NOX4: variants seen among roughly 807,000 people sequenced by gnomAD.
NOX4 encodes kidney oxidase-1.
A neutral mutation model predicts 87.6 loss-of-function variants in NOX4; 69 were observed. The ratio of observed to expected loss-of-function variants is 0.79; its 90% confidence interval spans 0.65 to 0.96. The LOEUF is 0.96. Ranked by LOEUF, NOX4 falls within the 40% of genes least tolerant of loss-of-function variation. NOX4 has a pLI of 0.00. For synonymous variants in NOX4, 275 were observed against 238.2 expected, an observed-to-expected ratio of 1.15 and a Z score of -1.42; for missense variants, 680 against 681.5, an observed-to-expected ratio of 1.00 and a Z score of 0.02.
At chr11:89,486,610 G>A (rs1028834651) in intron 2 of NOX4, among the ~76,000 whole-genome samples, 3 of 120,540 alleles carry the variant, frequency 2.5e-5, no homozygotes, top group South Asian at 2.4e-4. Flanking sequence ...ACATATATAT[G>A]TGTGTATATA....
chr11:89,514,607 T>A, the NOX4 span, among the ~76,000 whole-genome samples: 1 of 152,006 alleles, frequency 6.6e-6, no homozygotes, highest in Non-Finnish European at 1.5e-5. Flanking sequence ...GTACTTCTTA[T>A]GATGTTAGCT....
At chr11:89,469,191 T>A (rs1945825301) in intron 2 of NOX4, among the ~76,000 whole-genome samples, 1 of 152,260 alleles carries the variant, frequency 6.6e-6, no homozygotes, top group African/African-American at 2.4e-5. Context: ...CAACTGGAAA[T>A]TTTCTCAACA....
At chr11:89,483,690 C>A (rs969492613) in intron 2 of NOX4, among the ~76,000 whole-genome samples, 1 of 151,956 alleles carries the variant, frequency 6.6e-6, no homozygotes, top group African/African-American at 2.4e-5. Context: ...ATCTATTGTA[C>A]AACATGGTGA....
the NOX4 span, among the ~76,000 whole-genome samples, chr11:89,508,196 T>C: frequency 2.6e-5 from 4 of 152,072 alleles, no homozygotes; most frequent in African/African-American, 9.7e-5. Flanking sequence ...ACCTAATTCA[T>C]ACTTGCATTA....
chr11:89,450,528 T>A (rs1944910826), intron 3 of NOX4, among the ~76,000 whole-genome samples: 1 of 152,150 alleles, frequency 6.6e-6, no homozygotes, highest in African/African-American at 2.4e-5. Flanking sequence ...TTTTCTTACA[T>A]ACTTCATTTT....
Position 89,400,238 on chromosome 11 carries a change from T to C in NOX4, c.988A>G (p.Asn330Asp). The C allele has an allele frequency of 6.2e-7, 1 of 1,612,804 alleles. No homozygotes were observed. The highest frequency in any genetic ancestry group is 8.5e-7 in the Non-Finnish European group (1 of 1,179,274). ...DVMEIRMVKENFKARPGQYIT... is the reference protein window; with the variant it reads ...DVMEIRMVKEDFKARPGQYIT... ...ACCTGACCAGGTCTTGCTTTAAAAT[T>C]TTCTTTGACCATTCGGATTTCCATG... Residue 330 changes from asparagine to aspartate, a missense_variant, in exon 10 of 18, where the codon AAT becomes GAT. Asn to Asp is a conservative substitution (Grantham distance 23). Coordinates refer to ENST00000263317, the MANE Select transcript of NOX4 (RefSeq NM_016931.5).
In NOX4 at chr11:89,356,481, C is replaced by T. The variant is rs913602493; in HGVS notation, c.1136-1438G>A. 5.3e-5 allele frequency among the ~76,000 whole-genome samples: 8 copies of T among 152,076 alleles called. No individual in the cohort carries two copies. The East Asian group carries it at 1.4e-3, about 26-fold the overall frequency. On this transcript the variant is annotated intron_variant, in intron 12 of 17. Transcript: ENST00000263317. The stretch of plus-strand genomic sequence containing the variant: ...CTAGATGTTACCTTGGAAATACTTA[C>T]GTTGCATAGCTATCTGCATGGCATA...
chr11:89,343,965 C>A (rs1432613409), intron 13 of NOX4, among the ~76,000 whole-genome samples: 1 of 151,928 alleles, frequency 6.6e-6, no homozygotes, highest in East Asian at 1.9e-4. Flanking sequence ...AATTTATTTA[C>A]ATTTAAAAAA....
At chr11:89,370,742 G>A (rs879660991) in intron 12 of NOX4, among the ~76,000 whole-genome samples, 6 of 152,048 alleles carry the variant, frequency 3.9e-5, no homozygotes, top group South Asian at 4.1e-4. Flanking sequence ...GGTCTTCCAC[G>A]TATCTAGGAG....
intron 2 of NOX4, among the ~76,000 whole-genome samples, chr11:89,454,493 A>T (rs1310521035): frequency 6.6e-6 from 1 of 152,114 alleles, no homozygotes; most frequent in East Asian, 1.9e-4. Context: ...CTAATATGCC[A>T]CCTGGGTTGA....
chr11:89,479,009 TAA>T, intron 2 of NOX4, among the ~76,000 whole-genome samples: 1 of 142,230 alleles, frequency 7.0e-6, no homozygotes. Flanking sequence ...TGTTTCATCT[TAA>T]AAAAAAAAAA....
At chr11:89,374,492 G>A (rs1939686070) in intron 11 of NOX4, among the ~76,000 whole-genome samples, 1 of 152,192 alleles carries the variant, frequency 6.6e-6, no homozygotes, top group East Asian at 1.9e-4. Context: ...AGTACCATGT[G>A]TCACGGGAAG....
chr11:89,439,546 T>G (rs572419932), intron 6 of NOX4, among the ~76,000 whole-genome samples: 1 of 152,220 alleles, frequency 6.6e-6, no homozygotes, highest in South Asian at 2.1e-4. Flanking sequence ...AATAATGCAT[T>G]TGCCAGGGTA....
chr11:89,473,195 T>C (rs1946017650), intron 2 of NOX4, among the ~76,000 whole-genome samples: 1 of 152,170 alleles, frequency 6.6e-6, no homozygotes. Context: ...AAATTATCTG[T>C]GCACAGGAGA....
chr11:89,459,467 G>A (rs1428455872), intron 2 of NOX4, among the ~76,000 whole-genome samples: 1 of 151,940 alleles, frequency 6.6e-6, no homozygotes, highest in Non-Finnish European at 1.5e-5. Context: ...AAAAAACTCA[G>A]GATACAAAAT....
At chr11:89,362,173 G>GACACAC (rs148208109) in intron 12 of NOX4, among the ~76,000 whole-genome samples, 9 of 147,020 alleles carry the variant, frequency 6.1e-5, no homozygotes, top group East Asian at 4.0e-4. Flanking sequence ...CACAGACACA[G>GACACAC]ACACACACAC....
upstream of NOX4, chr11:89,498,281 A>G (rs889464036): frequency 6.6e-6 from 1 of 152,188 alleles, no homozygotes; most frequent in Non-Finnish European, 1.5e-5. Context: ...AAAAACATGT[A>G]TTTGCATGTG....
At chr11:89,366,234 AAAAT>A (rs1000033787) in intron 12 of NOX4, among the ~76,000 whole-genome samples, 4 of 152,108 alleles carry the variant, frequency 2.6e-5, no homozygotes, top group African/African-American at 9.7e-5. Context: ...AATCAAGTAG[AAAAT>A]ACTGGATAAC....
the NOX4 span, among the ~76,000 whole-genome samples, chr11:89,532,408 G>A: frequency 2.0e-5 from 3 of 152,168 alleles, no homozygotes; most frequent in African/African-American, 7.2e-5. Flanking sequence ...AAGATTTAAC[G>A]ACTGCCCTGT....
Sources: allele counts gnomAD v4.1 joint callset (sites outside exome capture counted in the v4.1 genomes callset), GRCh38; gene constraint gnomAD v4.1.1; transcripts MANE v1.5; gene names NCBI Gene and HGNC (gene_info 2026-07-23, HGNC 2026-07-21).